The following RALYL variants were observed in gnomAD, a reference collection of about 807,000 sequenced individuals.
RALYL encodes the protein RALY RNA binding protein like.
In RALYL, 29 loss-of-function variants were observed where a neutral mutation model predicts 35.1. That is an observed-to-expected ratio of 0.83 (90% CI 0.61 to 1.13). The LOEUF (loss-of-function observed/expected upper bound fraction) is 1.13, where lower values mean the gene tolerates loss of function less well. RALYL is among the 50% of genes most tolerant of loss of function. The pLI, the probability that RALYL is intolerant of heterozygous loss-of-function variation, is 0.00. For missense variants in RALYL, 359 were observed against 360.4 expected (o/e 1.00, Z 0.03); for synonymous variants, 120 against 127.6 (o/e 0.94, Z 0.40).
At chr8:84,696,576 GGCTTTCTATA>G (rs1324618607) in intron 2 of RALYL, among the ~76,000 whole-genome samples, 1 of 151,762 alleles carries the variant, frequency 6.6e-6, no homozygotes, top group Non-Finnish European at 1.5e-5. Flanking sequence ...TCTCCAGGTG[GGCTTTCTATA>G]GCTTTCCAAG....
intron 4 of RALYL, among the ~76,000 whole-genome samples, chr8:84,841,702 C>G (rs1420233108): frequency 2.0e-5 from 3 of 152,060 alleles, no homozygotes; most frequent in Admixed American, 1.3e-4. Context: ...TTCCAAAATT[C>G]ACCACATAGT....
chr8:84,184,692 C>T (rs924372203), intron 1 of RALYL, among the ~76,000 whole-genome samples: 1 of 151,976 alleles, frequency 6.6e-6, no homozygotes, highest in Non-Finnish European at 1.5e-5. Context: ...AGGTCGTCTC[C>T]CGGCGGGGCG....
intron 2 of RALYL, among the ~76,000 whole-genome samples, chr8:84,601,659 C>A (rs1815991730): frequency 6.6e-6 from 1 of 151,700 alleles, no homozygotes. Flanking sequence ...TAGACCTTGG[C>A]TCAGTTGAGT....
chr8:84,364,217 A>G (rs1403130959), intron 1 of RALYL, among the ~76,000 whole-genome samples: 1 of 152,152 alleles, frequency 6.6e-6, no homozygotes, highest in Non-Finnish European at 1.5e-5. Context: ...CTTCTGACAA[A>G]ATGAGGGAGG....
intron 1 of RALYL, among the ~76,000 whole-genome samples, chr8:84,228,388 T>G (rs780181713): frequency 8.3e-5 from 12 of 145,340 alleles, no homozygotes; most frequent in Non-Finnish European, 1.7e-4. Context: ...TCAAGTACAC[T>G]TGACCATAGG....
chr8:84,329,196 T>C (rs575316955), intron 1 of RALYL, among the ~76,000 whole-genome samples: 15 of 152,280 alleles, frequency 9.9e-5, no homozygotes, highest in African/African-American at 3.6e-4. Context: ...CTTTCCACAG[T>C]AGCTGACCTA....
rs145790051 is a variant in RALYL at position 84,432,882 on chromosome 8, A to G, written c.-23-96417A>G. 3.8e-3 allele frequency among the ~76,000 whole-genome samples: 581 copies of G among 152,206 alleles called. 4 individuals are homozygous for G. The highest frequency in any genetic ancestry group is 0.013 in the African/African-American group (546 of 41,538). On this transcript the variant is annotated intron_variant, in intron 1 of 8. Coordinates refer to ENST00000521268, the MANE Select transcript of RALYL (RefSeq NM_173848.7). ...GGAGCATGGCCCTACTGACATCACAATTTCAGACTTCTATCCTCCAGAACT... is the reference window on the plus strand; with the variant it reads ...GGAGCATGGCCCTACTGACATCACAGTTTCAGACTTCTATCCTCCAGAACT...
At chr8:84,546,415 C>G (rs751014995) in intron 2 of RALYL, among the ~76,000 whole-genome samples, 1 of 152,118 alleles carries the variant, frequency 6.6e-6, no homozygotes, top group Admixed American at 6.6e-5. Context: ...GCCACCACGC[C>G]GAGCCAAGAG....
intron 8 of RALYL, among the ~76,000 whole-genome samples, chr8:84,914,711 A>C (rs1174159540): frequency 6.6e-6 from 1 of 152,040 alleles, no homozygotes; most frequent in African/African-American, 2.4e-5. Flanking sequence ...GAAATGCCAA[A>C]AGCACGTTCT....
At position 84,887,234 on chromosome 8, in the gene RALYL, C is replaced by T. The variant is rs1355010999; in HGVS notation, c.686-370C>T. 7.9e-5 allele frequency among the ~76,000 whole-genome samples: 12 copies of T among 151,978 alleles called. 1 individual carries two copies. The highest frequency in any genetic ancestry group is 7.9e-4 in the Admixed American group (12 of 15,238). ...GTTCTATGTTGTATCTGATTTTTGC[C>T]ATTTGTTTTTGCTCTATTTTTCCTC... On this transcript the variant is annotated intron_variant, in intron 7 of 8. Transcript: ENST00000521268.
Position 84,213,166 on chromosome 8 carries a change from G to A in RALYL, c.-24+28742G>A, listed in dbSNP as rs796602490. On this transcript the variant is annotated intron_variant, in intron 1 of 8. Transcript: ENST00000521268. ...AGCACTTTGGGAGGCCGAGGCGGGC[G>A]GGTCACCTGAGGTCAGGAGTTCGAG... Among the ~76,000 whole-genome samples, 36 of 152,212 alleles carry A rather than the reference G, an allele frequency of 2.4e-4. 2 individuals are homozygous for A. The highest frequency in any genetic ancestry group is 7.5e-4 in the African/African-American group (31 of 41,544).
chr8:84,539,966 A>C (rs929044115), intron 2 of RALYL, among the ~76,000 whole-genome samples: 1 of 149,236 alleles, frequency 6.7e-6, no homozygotes, highest in Non-Finnish European at 1.5e-5. Context: ...ATGTAATTAA[A>C]CGTATGCTGC....
At chr8:84,893,130 TAAAG>T (rs1478588896) in intron 8 of RALYL, among the ~76,000 whole-genome samples, 3 of 152,104 alleles carry the variant, frequency 2.0e-5, no homozygotes, top group African/African-American at 7.2e-5. Context: ...CTATGGTCAA[TAAAG>T]ACTCCTGGCA....
intron 2 of RALYL, among the ~76,000 whole-genome samples, chr8:84,533,102 G>A (rs1206936414): frequency 6.6e-6 from 1 of 151,974 alleles, no homozygotes; most frequent in East Asian, 1.9e-4. Context: ...TTCCTATAAT[G>A]TAAAAATCCT....
chr8:84,612,748 A>G (rs1818591567), intron 2 of RALYL, among the ~76,000 whole-genome samples: 1 of 151,664 alleles, frequency 6.6e-6, no homozygotes, highest in Non-Finnish European at 1.5e-5. Flanking sequence ...AAAATTACAA[A>G]CATCATTTAA....
At chr8:84,860,011 C>T (rs1359871782) in intron 5 of RALYL, among the ~76,000 whole-genome samples, 2 of 152,148 alleles carry the variant, frequency 1.3e-5, no homozygotes, top group African/African-American at 4.8e-5. Flanking sequence ...AAAAGCATAT[C>T]ATAAATACAG....
intron 1 of RALYL, among the ~76,000 whole-genome samples, chr8:84,286,534 G>C (rs1203945909): frequency 1.3e-5 from 2 of 152,146 alleles, no homozygotes; most frequent in Non-Finnish European, 1.5e-5. Flanking sequence ...AGAGCACCTC[G>C]CAAGGAGAAT....
chr8:84,764,048 C>T lies in RALYL; in HGVS notation c.257-10531C>T, dbSNP rs1205696765. Among the ~76,000 whole-genome samples the T allele has an allele frequency of 3.3e-5, 5 of 152,282 alleles. No individual in the cohort carries two copies. In the South Asian group the frequency reaches 8.3e-4, roughly 25 times the overall value. ...TATGACTCAACTGATAGAGCTGAGGCATTTGCCGAGTTTCCTGGTAGATGT... is the reference window on the plus strand; with the variant it reads ...TATGACTCAACTGATAGAGCTGAGGTATTTGCCGAGTTTCCTGGTAGATGT... On this transcript the variant is annotated intron_variant, in intron 2 of 8. Coordinates refer to ENST00000521268, the MANE Select transcript of RALYL (RefSeq NM_173848.7).
At chr8:84,585,945 C>T (rs1811894187) in intron 2 of RALYL, among the ~76,000 whole-genome samples, 1 of 151,976 alleles carries the variant, frequency 6.6e-6, no homozygotes, top group Admixed American at 6.6e-5. Context: ...GCTTGTAATC[C>T]CAGTACTTTG....
Sources: gnomAD v4.1 joint callset for allele counts (sites outside exome capture counted in the v4.1 genomes callset) on GRCh38, gnomAD v4.1.1 for gene constraint, MANE v1.5 for transcripts, NCBI Gene and HGNC (gene_info 2026-07-23, HGNC 2026-07-21) for gene names.